Variants in GALM observed in about 807,000 individuals in gnomAD.
GALM encodes galactose mutarotase.
GALM carries 43 observed loss-of-function variants against 37.4 expected under a neutral mutation model. That is an observed-to-expected ratio of 1.15 (90% confidence interval 0.90 to 1.48). The LOEUF (loss-of-function observed/expected upper bound fraction) is 1.48. Among genes scored for constraint, GALM ranks in the 40% most tolerant of loss-of-function variants. The pLI is 0.00. For synonymous variants in GALM, 199 were observed against 170.6 expected (o/e 1.17, Z -1.30); for missense variants, 456 against 419.1 (o/e 1.09, Z -0.77).
At chr2:38,678,795 C>T (rs911091232) in intron 2 of GALM, among the ~76,000 whole-genome samples, 3 of 152,114 alleles carry the variant, frequency 2.0e-5, no homozygotes, top group African/African-American at 7.2e-5. Flanking sequence ...GTGGACAGAT[C>T]CTGGGCTCAG....
At chr2:38,695,627 C>G (rs1205422595) in intron 4 of GALM, among the ~76,000 whole-genome samples, 1 of 152,196 alleles carries the variant, frequency 6.6e-6, no homozygotes, top group Non-Finnish European at 1.5e-5. Flanking sequence ...GCTTACCATC[C>G]TAGTCCTCTG....
chr2:38,721,879 T>C (rs1666382398), intron 4 of GALM, among the ~76,000 whole-genome samples: 3 of 152,132 alleles, frequency 2.0e-5, no homozygotes, highest in African/African-American at 7.2e-5. Flanking sequence ...TGCTCACTTC[T>C]TTGACTTTGT....
At chr2:38,683,045 G>A (rs1314866274) in intron 3 of GALM, among the ~76,000 whole-genome samples, 5 of 152,034 alleles carry the variant, frequency 3.3e-5, no homozygotes, top group Admixed American at 6.6e-5. Context: ...TAAAAAACTC[G>A]GTGATAATTC....
chr2:38,731,831 G>A lies in GALM; in HGVS notation c.873G>A (p.Lys291=), dbSNP rs1666616042. ...GCAACTTCCTGGATGGCACATTAAA[G>A]GGCAAGAATGGAGCTGTCTATCCCA... is the stretch of plus-strand genomic sequence containing the variant. ...YTGNFLDGTL[K]GKNGAVYPKH... is the part of the protein sequence containing the mutation. Residue 291 remains lysine (K), a synonymous_variant, in exon 6 of 7, where the codon AAG becomes AAA. Coordinates refer to ENST00000272252, the MANE Select transcript of GALM (RefSeq NM_138801.3). The A allele has an allele frequency of 4.3e-6, 7 of 1,614,110 alleles. No individual in the cohort carries two copies. The highest frequency in any genetic ancestry group is 5.9e-6 in the Non-Finnish European group (7 of 1,179,996).
intron 4 of GALM, among the ~76,000 whole-genome samples, chr2:38,704,239 T>C (rs1176143724): frequency 1.3e-5 from 2 of 151,784 alleles, no homozygotes; most frequent in Non-Finnish European, 2.9e-5. Flanking sequence ...CACTCTGTTA[T>C]CCAGGCTGGA....
intron 4 of GALM, among the ~76,000 whole-genome samples, chr2:38,704,741 T>C (rs1666004075): frequency 6.6e-6 from 1 of 151,918 alleles, no homozygotes; most frequent in Non-Finnish European, 1.5e-5. Flanking sequence ...GTTAAACTCA[T>C]GACATTGGAC....
chr2:38,675,471 TGAA>T (rs1194526824), intron 1 of GALM, among the ~76,000 whole-genome samples: 3 of 151,512 alleles, frequency 2.0e-5, no homozygotes, highest in African/African-American at 4.9e-5. Context: ...AGCATTCGTC[TGAA>T]GAAGGTGAGG....
At chr2:38,674,142 A>G (rs1026705636) in intron 1 of GALM, among the ~76,000 whole-genome samples, 2 of 152,032 alleles carry the variant, frequency 1.3e-5, no homozygotes, top group African/African-American at 4.8e-5. Context: ...TTCACAAATA[A>G]AAGTACAGGA....
intron 4 of GALM, 109 bp from the exon 5 acceptor site, chr2:38,729,447 A>T: frequency 1.1e-6 from 1 of 895,376 alleles, no homozygotes; most frequent in Non-Finnish European, 1.6e-6. Context: ...TCTCCTTAAC[A>T]AATTAAAATG....
intron 4 of GALM, among the ~76,000 whole-genome samples, chr2:38,717,183 G>A (rs183031112): frequency 4.2e-4 from 64 of 152,054 alleles, no homozygotes; most frequent in African/African-American, 3.6e-4. Context: ...CTGGGAGGCC[G>A]AGGTTGCAGT....
intron 4 of GALM, among the ~76,000 whole-genome samples, chr2:38,700,614 C>A (rs1303807474): frequency 6.6e-6 from 1 of 151,882 alleles, no homozygotes; most frequent in African/African-American, 2.4e-5. Context: ...CTATGTGTGT[C>A]GTTACAGATG....
intron 3 of GALM, among the ~76,000 whole-genome samples, chr2:38,688,084 C>G (rs573502178): frequency 6.6e-6 from 1 of 151,412 alleles, no homozygotes; most frequent in Admixed American, 6.6e-5. Flanking sequence ...TGGTGGCACA[C>G]GCTTGTAATC....
chr2:38,675,530 T>G (rs1460348134), intron 1 of GALM, among the ~76,000 whole-genome samples: 21 of 76,488 alleles, frequency 2.7e-4, no homozygotes, highest in African/African-American at 2.0e-3. Context: ...TTTTTTGTTT[T>G]TTTTTTTTTT....
intron 4 of GALM, among the ~76,000 whole-genome samples, chr2:38,726,388 G>A (rs967923381): frequency 9.3e-5 from 14 of 150,868 alleles, no homozygotes; most frequent in African/African-American, 3.2e-4. Flanking sequence ...CACTACGCCC[G>A]GCTAATTTTT....
At chr2:38,689,960 C>T in intron 4 of GALM, 66 bp downstream of exon 4, 1 of 843,982 alleles carries the variant, frequency 1.2e-6, no homozygotes, top group Non-Finnish European at 1.9e-6. Context: ...CAAGAAAGGA[C>T]ATTAGTGGAG....
rs114393764 is a variant in GALM at position 38,684,449 on chromosome 2, C to A, written c.552+2963C>A. ...GCACTTTGGAAGGCCAAGGTGGGAGCATCACTGGAGCCCAGGAGTTCAAGA... is the reference window on the plus strand; with the variant it reads ...GCACTTTGGAAGGCCAAGGTGGGAGAATCACTGGAGCCCAGGAGTTCAAGA... On this transcript the variant is annotated intron_variant, in intron 3 of 6. Transcript: ENST00000272252. 7.6e-3 allele frequency among the ~76,000 whole-genome samples: 1,159 copies of A among 151,888 alleles called. 19 individuals are homozygous for A. The highest frequency in any genetic ancestry group is 0.026 in the African/African-American group (1,085 of 41,410).
intron 1 of GALM, among the ~76,000 whole-genome samples, chr2:38,667,708 G>T (rs1485712031): frequency 6.6e-6 from 1 of 151,734 alleles, no homozygotes; most frequent in Non-Finnish European, 1.5e-5. Context: ...CTGCTGGCGG[G>T]CACCTGTAAT....
At chr2:38,674,690 T>C (rs540389655) in intron 1 of GALM, among the ~76,000 whole-genome samples, 1 of 152,188 alleles carries the variant, frequency 6.6e-6, no homozygotes, top group East Asian at 1.9e-4. Context: ...TTTAAAAAAA[T>C]AAGAAGAGAA....
At chr2:38,702,960 AT>A (rs975593175) in intron 4 of GALM, among the ~76,000 whole-genome samples, 26 of 119,134 alleles carry the variant, frequency 2.2e-4, no homozygotes, top group East Asian at 7.0e-4. Flanking sequence ...AATATGTGTA[AT>A]TTTTTTTTTA....
Sources: gnomAD v4.1 joint callset for allele counts (sites outside exome capture counted in the v4.1 genomes callset) on GRCh38, gnomAD v4.1.1 for gene constraint, MANE v1.5 for transcripts, NCBI Gene and HGNC (gene_info 2026-07-23, HGNC 2026-07-21) for gene names.